The following AMMECR1 variants were observed in gnomAD, a reference collection of about 807,000 sequenced individuals.
The protein encoded by AMMECR1 is nuclear protein AMMECR1.
A neutral mutation model predicts 22.5 loss-of-function variants in AMMECR1; 3 were observed. That is an observed-to-expected ratio of 0.13 (90% CI 0.06 to 0.35). The LOEUF (loss-of-function observed/expected upper bound fraction) is 0.35. Among genes scored for constraint, AMMECR1 ranks in the 10% least tolerant of loss-of-function variants. AMMECR1 has a pLI of 1.00. For synonymous variants in AMMECR1, 130 were observed against 116.7 expected (o/e 1.11, Z -0.74); for missense variants, 235 against 278.7 (o/e 0.84, Z 1.12).
At chrX:110,317,517 G>A (rs1489791407) in intron 1 of AMMECR1, 82 bp downstream of exon 1, 12 of 1,081,704 alleles carry the variant, frequency 1.1e-5, no homozygotes, top group Non-Finnish European at 1.3e-5. Flanking sequence ...TCCGCCGGCC[G>A]GGAGGCGGAC....
Position 110,308,249 on chromosome X carries a change from T to C in AMMECR1, c.473+9350A>G, listed in dbSNP as rs2068007809. ...GAGGGACATCTAAGTTTTTATGATGTAAAACATAAAAAGCACTCCTGCTCC... is the reference window on the plus strand; with the variant it reads ...GAGGGACATCTAAGTTTTTATGATGCAAAACATAAAAAGCACTCCTGCTCC... On this transcript the variant is annotated intron_variant, in intron 1 of 5. Transcript: ENST00000262844. Among the ~76,000 whole-genome samples the C allele has an allele frequency of 3.6e-5, 4 of 111,677 alleles. No homozygotes were observed. In the South Asian group the frequency reaches 1.1e-3, roughly 31 times the overall value.
At chrX:110,260,213 G>C (rs977125338) in intron 2 of AMMECR1, among the ~76,000 whole-genome samples, 1 of 111,227 alleles carries the variant, frequency 9.0e-6, no homozygotes, top group African/African-American at 3.3e-5. Flanking sequence ...ATCCTTCAAG[G>C]TCAGACAAAG....
At chrX:110,342,159 A>G (rs1242263296) in intron 2 of AMMECR1, among the ~76,000 whole-genome samples, 1 of 111,959 alleles carries the variant, frequency 8.9e-6, no homozygotes, top group Non-Finnish European at 1.9e-5. Flanking sequence ...TTCTATTGTT[A>G]TTAATCTCTA....
At chrX:110,346,659 GATC>G (rs755704255) in intron 2 of AMMECR1, 69 of 578,239 alleles carry the variant, frequency 1.2e-4, no homozygotes, top group Non-Finnish European at 3.7e-5. Context: ...ATATTCACTG[GATC>G]ATAAGAAGTG....
chrX:110,302,470 G>T (rs2067972331), intron 1 of AMMECR1, among the ~76,000 whole-genome samples: 1 of 112,018 alleles, frequency 8.9e-6, no homozygotes, highest in African/African-American at 3.2e-5. Context: ...AATTTACACA[G>T]TAAAAATTCT....
intron 2 of AMMECR1, among the ~76,000 whole-genome samples, chrX:110,367,937 T>C (rs1415282401): frequency 9.2e-6 from 1 of 108,767 alleles, no homozygotes; most frequent in African/African-American, 3.3e-5. Flanking sequence ...GATTTCCCAG[T>C]AGTTGGAACT....
chrX:110,291,171 A>C (rs1174189736), intron 1 of AMMECR1, among the ~76,000 whole-genome samples: 1 of 111,430 alleles, frequency 9.0e-6, no homozygotes, highest in African/African-American at 3.3e-5. Flanking sequence ...AAGACAGAAA[A>C]TATAAAGAAG....
chrX:110,386,569 T>C (rs950763515), intron 2 of AMMECR1, among the ~76,000 whole-genome samples: 1 of 111,990 alleles, frequency 8.9e-6, no homozygotes, highest in Non-Finnish European at 1.9e-5. Flanking sequence ...AGTTCTTATA[T>C]ATTCTGCATG....
At chrX:110,323,867 C>T (rs1261524988) in intron 2 of AMMECR1, among the ~76,000 whole-genome samples, 1 of 112,002 alleles carries the variant, frequency 8.9e-6, no homozygotes, top group East Asian at 2.8e-4. Flanking sequence ...TTGACTGTAC[C>T]ATTTTAGAAT....
chrX:110,366,342 A>G (rs2068297136), intron 2 of AMMECR1, among the ~76,000 whole-genome samples: 1 of 111,871 alleles, frequency 8.9e-6, no homozygotes, highest in African/African-American at 3.3e-5. Flanking sequence ...TAATAGGTCA[A>G]CAGGTAATGT....
intron 3 of AMMECR1, among the ~76,000 whole-genome samples, chrX:110,204,612 G>A (rs1368370870): frequency 9.0e-6 from 1 of 111,597 alleles, no homozygotes; most frequent in African/African-American, 3.3e-5. Flanking sequence ...AGTGATTTAG[G>A]CAAATGGGGT....
intron 2 of AMMECR1, among the ~76,000 whole-genome samples, chrX:110,324,485 G>A (rs1301136397): frequency 7.3e-5 from 8 of 110,300 alleles, no homozygotes; most frequent in Non-Finnish European, 1.5e-4. Flanking sequence ...AAAACCTCTA[G>A]TACAATGTTG....
At chrX:110,324,003 T>C (rs1009679657) in intron 2 of AMMECR1, among the ~76,000 whole-genome samples, 5 of 109,535 alleles carry the variant, frequency 4.6e-5, no homozygotes, top group Non-Finnish European at 1.9e-5. Flanking sequence ...GGATTGTTCA[T>C]TGTATTTTTT....
chrX:110,365,809 G>A (rs967918364), intron 2 of AMMECR1, among the ~76,000 whole-genome samples: 2 of 111,889 alleles, frequency 1.8e-5, no homozygotes, highest in Non-Finnish European at 3.8e-5. Context: ...AAGAGTGAGC[G>A]AGGTGATCTA....
intron 2 of AMMECR1, among the ~76,000 whole-genome samples, chrX:110,382,950 T>A (rs966040661): frequency 3.6e-5 from 4 of 112,198 alleles, no homozygotes; most frequent in African/African-American, 1.3e-4. Flanking sequence ...CCATGGCCTA[T>A]AAGGTACAGT....
At chrX:110,346,943 G>C (rs987884088) in intron 2 of AMMECR1, 4 of 531,600 alleles carry the variant, frequency 7.5e-6, no homozygotes, top group Non-Finnish European at 1.4e-5. Context: ...TTCGTGGGTC[G>C]GTGGGTCGTG....
chrX:110,406,462 T>A (rs945959538), intron 2 of AMMECR1, among the ~76,000 whole-genome samples: 2 of 112,268 alleles, frequency 1.8e-5, no homozygotes, highest in Non-Finnish European at 3.8e-5. Context: ...CTGCATAATA[T>A]TCCATGGTGT....
At chrX:110,338,667 G>A (rs1285708668) in intron 2 of AMMECR1, among the ~76,000 whole-genome samples, 3 of 111,903 alleles carry the variant, frequency 2.7e-5, no homozygotes, top group Admixed American at 9.5e-5. Context: ...ATCAGGTTTC[G>A]CCTGTTTACA....
intron 2 of AMMECR1, among the ~76,000 whole-genome samples, chrX:110,357,572 T>C (rs1387631084): frequency 1.8e-5 from 2 of 112,244 alleles, no homozygotes; most frequent in Non-Finnish European, 3.8e-5. Flanking sequence ...AGGCTTTAAA[T>C]AGTATTAGAT....
Sources: gnomAD v4.1 joint callset for allele counts (sites outside exome capture counted in the v4.1 genomes callset) on GRCh38, gnomAD v4.1.1 for gene constraint, MANE v1.5 for transcripts, NCBI Gene and HGNC (gene_info 2026-07-23, HGNC 2026-07-21) for gene names.